The following FGF14 variants were observed in gnomAD, a reference collection of about 807,000 sequenced individuals.
The protein encoded by FGF14 is fibroblast growth factor 14, also known as fibroblast growth factor homologous factor 4.
In FGF14, 5 loss-of-function variants were observed where a neutral mutation model predicts 25.5. The observed-to-expected ratio is 0.20, with a 90% CI of 0.10 to 0.41. FGF14 has a LOEUF of 0.41. FGF14 is among the 10% of genes least tolerant of loss of function. The probability of loss-of-function intolerance (pLI) is 1.00; values close to 1 mark genes in which losing one functional copy is unlikely to be tolerated. For missense variants in FGF14, 222 were observed against 320.1 expected (o/e 0.69, Z 2.34); for synonymous variants, 138 against 118.3 (o/e 1.17, Z -1.08).
chr13:102,285,030 A>G (rs1297389878), intron 1 of FGF14, among the ~76,000 whole-genome samples: 2 of 152,116 alleles, frequency 1.3e-5, no homozygotes, highest in Non-Finnish European at 2.9e-5. Context: ...AAAGACACAA[A>G]AAGTACAGAA....
At chr13:102,017,739 T>C (rs2040421823) in intron 1 of FGF14, among the ~76,000 whole-genome samples, 1 of 152,144 alleles carries the variant, frequency 6.6e-6, no homozygotes, top group African/African-American at 2.4e-5. Context: ...TTCCTGGAAT[T>C]CCTATCAAAT....
rs561070510 is a variant in FGF14, at chr13:102,332,605, T to C, written c.208+68866A>G. Reference sequence around the variant, plus strand: ...AGAGCTTTACCAACATTTTTTTTTATAAATTCAACTTCTGTGCATCATGTC... The same window carrying C: ...AGAGCTTTACCAACATTTTTTTTTACAAATTCAACTTCTGTGCATCATGTC... On this transcript the variant is annotated intron_variant, in intron 1 of 4. Transcript: ENST00000376131. 7.5e-4 allele frequency among the ~76,000 whole-genome samples: 113 copies of C among 151,280 alleles called. 1 individual carries two copies. In the South Asian group the frequency reaches 0.023, roughly 31 times the overall value.
At chr13:102,006,436 T>G (rs1206259320) in intron 1 of FGF14, among the ~76,000 whole-genome samples, 1 of 152,202 alleles carries the variant, frequency 6.6e-6, no homozygotes, top group Admixed American at 6.5e-5. Flanking sequence ...GGCAAACCAC[T>G]GCCTCAGTGT....
At chr13:101,919,829 T>C (rs1217682310), upstream of FGF14, among the ~76,000 whole-genome samples, 1 of 152,162 alleles carries the variant, frequency 6.6e-6, no homozygotes, top group Non-Finnish European at 1.5e-5. Context: ...CCTTTCAGCT[T>C]TTCCATAACC....
rs574891638 is a variant in FGF14, at chr13:101,832,477, C to A, written c.408+36248G>T. Among the ~76,000 whole-genome samples the A allele has an allele frequency of 3.3e-5, 5 of 152,102 alleles. No individual in the cohort carries two copies. The East Asian group carries it at 5.8e-4, about 18-fold the overall frequency. On this transcript the variant is annotated intron_variant, in intron 3 of 4. Transcript: ENST00000376143. ...TTAAAGGGAAGGAACGTCATTAAATCTAGGAAGAAGAAGCTTGAGTTGGTC... is the reference window on the plus strand; with the variant it reads ...TTAAAGGGAAGGAACGTCATTAAATATAGGAAGAAGAAGCTTGAGTTGGTC...
intron 3 of FGF14, among the ~76,000 whole-genome samples, chr13:101,742,362 G>A (rs2036609814): frequency 6.6e-6 from 1 of 152,118 alleles, no homozygotes; most frequent in Non-Finnish European, 1.5e-5. Flanking sequence ...CATCAAGAAT[G>A]AATGAACAAG....
intron 1 of FGF14, among the ~76,000 whole-genome samples, chr13:102,375,069 T>C (rs779679097): frequency 3.9e-5 from 6 of 152,104 alleles, no homozygotes; most frequent in African/African-American, 9.7e-5. Context: ...GTAACACAAC[T>C]AGTTAAAGGG....
intron 1 of FGF14, among the ~76,000 whole-genome samples, chr13:101,976,581 C>T (rs1460260111): frequency 1.3e-5 from 2 of 152,172 alleles, no homozygotes; most frequent in Non-Finnish European, 2.9e-5. Context: ...TTTCCACTCA[C>T]ACCCGCCCTC....
chr13:101,973,718 G>C (rs6491656), intron 1 of FGF14, among the ~76,000 whole-genome samples: 2,293 of 152,266 alleles, frequency 0.015, 60 homozygotes, highest in African/African-American at 0.052. Flanking sequence ...GGCAGCTGAT[G>C]AGATGGTGCC....
chr13:102,377,759 A>G (rs1170721565), intron 1 of FGF14, among the ~76,000 whole-genome samples: 2 of 152,168 alleles, frequency 1.3e-5, no homozygotes, highest in Non-Finnish European at 2.9e-5. Flanking sequence ...AGTGAGCTGA[A>G]ATCGTGCCAT....
intron 1 of FGF14, among the ~76,000 whole-genome samples, chr13:102,165,055 A>G (rs1012698567): frequency 2.6e-5 from 4 of 152,164 alleles, no homozygotes; most frequent in African/African-American, 4.8e-5. Flanking sequence ...AAGAATAGAA[A>G]GGAAGGAAAA....
chr13:102,317,241 C>T (rs1342692708), intron 1 of FGF14, among the ~76,000 whole-genome samples: 2 of 152,028 alleles, frequency 1.3e-5, no homozygotes, highest in African/African-American at 4.8e-5. Flanking sequence ...ATTCTTAAGA[C>T]CTTTTCTAGA....
intron 1 of FGF14, among the ~76,000 whole-genome samples, chr13:102,123,548 T>G (rs919362787): frequency 8.5e-5 from 13 of 152,166 alleles, no homozygotes; most frequent in African/African-American, 2.4e-4. Flanking sequence ...ACAAATTTTT[T>G]TGAACCCAGG....
chr13:102,401,809 A>C (rs1246113603), upstream of FGF14: 1 of 790,024 alleles, frequency 1.3e-6, no homozygotes, highest in Non-Finnish European at 2.1e-6. Context: ...TCACCACCGG[A>C]TTATTACCAA....
At chr13:102,395,480 C>A (rs2139262471) in intron 1 of FGF14, 1 of 152,298 alleles carries the variant, frequency 6.6e-6, no homozygotes, top group South Asian at 2.1e-4. Context: ...AAGGGAATGT[C>A]TGCAGGACCG....
chr13:101,872,974 G>A (rs937211302), intron 2 of FGF14, among the ~76,000 whole-genome samples: 2 of 151,586 alleles, frequency 1.3e-5, no homozygotes, highest in South Asian at 2.1e-4. Context: ...TAGAGTGTCA[G>A]AAGAAATTTC....
chr13:101,796,394 A>G (rs1362652383), intron 3 of FGF14, among the ~76,000 whole-genome samples: 1 of 151,946 alleles, frequency 6.6e-6, no homozygotes, highest in African/African-American at 2.4e-5. Context: ...CTACTCTGCT[A>G]TAATGTTGAG....
At chr13:101,732,481 CAG>C (rs1053511437) in intron 3 of FGF14, among the ~76,000 whole-genome samples, 2 of 152,034 alleles carry the variant, frequency 1.3e-5, no homozygotes, top group Non-Finnish European at 2.9e-5. Flanking sequence ...CTCTATTTTC[CAG>C]AGTCATCCAC....
chr13:101,927,173 C>T (rs559530732), intron 1 of FGF14, among the ~76,000 whole-genome samples: 10 of 152,216 alleles, frequency 6.6e-5, no homozygotes, highest in African/African-American at 2.4e-4. Flanking sequence ...GATGAGGGTA[C>T]CCAATGGTTA....
Sources: gnomAD v4.1 joint callset for allele counts (sites outside exome capture counted in the v4.1 genomes callset) on GRCh38, gnomAD v4.1.1 for gene constraint, MANE v1.5 for transcripts, NCBI Gene and HGNC (gene_info 2026-07-23, HGNC 2026-07-21) for gene names.